The following TTC34 variants were observed in gnomAD, a reference collection of about 807,000 sequenced individuals.
TTC34 encodes the protein tetratricopeptide repeat domain 34, also known as tetratricopeptide repeat protein 34.
TTC34 carries 44 observed loss-of-function variants against 40.7 expected under a neutral mutation model. The observed-to-expected ratio is 1.08, with a 90% CI of 0.85 to 1.39. The LOEUF is 1.39. TTC34 is among the 40% of genes most tolerant of loss of function. The probability of loss-of-function intolerance (pLI) is 0.00; values close to 1 mark genes in which losing one functional copy is unlikely to be tolerated. For synonymous variants in TTC34, 422 were observed against 398.6 expected (o/e 1.06, Z -0.70); for missense variants, 884 against 838.0 (o/e 1.05, Z -0.68).
At chr1:2,683,635 C>G (rs1465623074) in intron 6 of TTC34, among the ~76,000 whole-genome samples, 5 of 149,110 alleles carry the variant, frequency 3.4e-5, no homozygotes, top group African/African-American at 7.7e-5. Context: ...ACCCACACCC[C>G]CAGGTGAGCA....
intron 6 of TTC34, among the ~76,000 whole-genome samples, chr1:2,695,820 G>T (rs1640836649): frequency 6.6e-6 from 1 of 152,122 alleles, no homozygotes; most frequent in Non-Finnish European, 1.5e-5. Flanking sequence ...CTGACAGCCT[G>T]GAACAGCATC....
intron 6 of TTC34, among the ~76,000 whole-genome samples, chr1:2,646,273 C>T (rs1639020236): frequency 1.3e-5 from 2 of 152,200 alleles, no homozygotes; most frequent in South Asian, 4.1e-4. Context: ...GCCACTTTAC[C>T]TAATATGTGA....
At chr1:2,754,767 C>A (rs1641447859) in intron 6 of TTC34, among the ~76,000 whole-genome samples, 3 of 151,218 alleles carry the variant, frequency 2.0e-5, no homozygotes, top group African/African-American at 7.4e-5. Flanking sequence ...TGGTCTGGAG[C>A]AGCACCCACA....
At chr1:2,779,251 A>G (rs1169724713) in intron 6 of TTC34, among the ~76,000 whole-genome samples, 1 of 152,198 alleles carries the variant, frequency 6.6e-6, no homozygotes, top group Non-Finnish European at 1.5e-5. Flanking sequence ...AAATGTCTCT[A>G]AAAGACCCTA....
At chr1:2,682,130 T>G (rs1341840507) in intron 6 of TTC34, among the ~76,000 whole-genome samples, 2 of 140,532 alleles carry the variant, frequency 1.4e-5, no homozygotes, top group Non-Finnish European at 1.6e-5. Flanking sequence ...TCTGACAGCC[T>G]GGAACAGCAC....
chr1:2,750,530 A>C (rs1424748995), intron 6 of TTC34, among the ~76,000 whole-genome samples: 1 of 2,774 alleles, frequency 3.6e-4, no homozygotes, highest in Non-Finnish European at 6.3e-4. Flanking sequence ...CACATCCCCA[A>C]GCGAGCATCC....
rs1227526002 is a variant in TTC34 at position 2,756,064 on chromosome 1, C to A, written c.2226+27545G>T. ...CTGACAACCTGGAACAGCACCCATA[C>A]GCCAAGATGAGCATCTGACAGCGTG... is the stretch of plus-strand genomic sequence containing the variant. On this transcript the variant is annotated intron_variant, in intron 6 of 8. Transcript: ENST00000401095. Among the ~76,000 whole-genome samples the A allele has an allele frequency of 7.7e-5, 6 of 78,314 alleles. 2 individuals are homozygous for A. The highest frequency in any genetic ancestry group is 1.3e-4 in the Non-Finnish European group (6 of 44,952). The allele number at this position is 78,314 out of a possible 152,430, so 51.4% of individuals were successfully genotyped here. A position where few individuals can be genotyped will look rare whatever the true frequency, so the allele number is the denominator to read the frequency against.
At chr1:2,753,896 ACC>A in intron 6 of TTC34, among the ~76,000 whole-genome samples, 1 of 58,014 alleles carries the variant, frequency 1.7e-5, no homozygotes, top group Non-Finnish European at 2.8e-5. Context: ...CAGTGCCCAC[ACC>A]CCCAGGTGAG....
chr1:2,801,598 T>G (rs897340975), exon 1 of TTC34: 1 of 152,394 alleles, frequency 6.6e-6, no homozygotes, highest in Non-Finnish European at 1.5e-5. Flanking sequence ...GCTTGGAGGC[T>G]GAGCCGGCTG....
intron 4 of TTC34, 83 bp downstream of exon 4, chr1:2,787,398 C>T (rs149574203): frequency 1.0e-4 from 130 of 1,299,206 alleles, no homozygotes; most frequent in Admixed American, 9.3e-4. Flanking sequence ...TGGGGTCCAG[C>T]GCCAGGGCCA....
intron 6 of TTC34, among the ~76,000 whole-genome samples, chr1:2,782,632 T>A (rs1643503747): frequency 2.0e-5 from 3 of 152,188 alleles, no homozygotes; most frequent in Admixed American, 6.5e-5. Context: ...GCTATACATT[T>A]CCCCCTCAGG....
intron 6 of TTC34, among the ~76,000 whole-genome samples, chr1:2,687,279 C>T (rs1432223974): frequency 6.9e-6 from 1 of 145,606 alleles, no homozygotes; most frequent in Non-Finnish European, 1.5e-5. Context: ...GGAGCAGCAC[C>T]CACAACCACA....
At chr1:2,782,508 TTCTC>T (rs34425096) in intron 6 of TTC34, among the ~76,000 whole-genome samples, 4 of 151,256 alleles carry the variant, frequency 2.6e-5, no homozygotes, top group Non-Finnish European at 5.9e-5. Context: ...TGTAATCTTT[TTCTC>T]TCTCTCTTTC....
At chr1:2,683,796 C>G (rs7411254) in intron 6 of TTC34, among the ~76,000 whole-genome samples, 1 of 140,576 alleles carries the variant, frequency 7.1e-6, no homozygotes, top group African/African-American at 2.8e-5. Context: ...ACGCACACCC[C>G]CAGTTGAGCA....
chr1:2,700,059 G>C lies in TTC34; in HGVS notation c.2227-54496C>G, dbSNP rs1641059450. ...CCTGGAGCAGCGCCCACACCCAGAGGTGAGCATATGACCACCTGGAGCAGC... is the reference window on the plus strand; with the variant it reads ...CCTGGAGCAGCGCCCACACCCAGAGCTGAGCATATGACCACCTGGAGCAGC... On this transcript the variant is annotated intron_variant, in intron 6 of 8. Transcript: ENST00000401095. 1.6e-5 allele frequency among the ~76,000 whole-genome samples: 2 copies of C among 121,798 alleles called. 1 individual carries two copies. Among genetic ancestry groups the C allele is most frequent in the Admixed American group, 1.7e-4 (2 of 11,564 alleles). The allele number at this position is 121,798 out of a possible 152,430, so 79.9% of individuals were successfully genotyped here.
At chr1:2,660,804 A>C (rs1297278315) in intron 6 of TTC34, among the ~76,000 whole-genome samples, 1 of 128,244 alleles carries the variant, frequency 7.8e-6, no homozygotes, top group Non-Finnish European at 1.6e-5. Flanking sequence ...CCAGGTGAGC[A>C]TCTGACAGCC....
exon 9 of TTC34, chr1:2,641,599 G>C (rs1306542220): frequency 3.9e-6 from 6 of 1,534,012 alleles, no homozygotes; most frequent in African/African-American, 2.7e-5. Flanking sequence ...CCAGCTTCAG[G>C]GCCTGGGCAA....
At chr1:2,658,478 CTGACAGCCT>C (rs1639432241) in intron 6 of TTC34, among the ~76,000 whole-genome samples, 1 of 68,286 alleles carries the variant, frequency 1.5e-5, no homozygotes, top group Admixed American at 1.4e-4. Context: ...AGGTGAGCAA[CTGACAGCCT>C]GGAGCAGCAC....
rs1314648897 is a variant in TTC34 at position 2,692,250 on chromosome 1, G to A, written c.2227-46687C>T. On this transcript the variant is annotated intron_variant, in intron 6 of 8. Coordinates refer to ENST00000401095, the Ensembl canonical transcript of TTC34. ...CCCCAGGCGAGCATCCGACAGCCTG[G>A]AGCAGCACCCACACCCTCAGGTGAG... 4.0e-5 allele frequency among the ~76,000 whole-genome samples: 3 copies of A among 74,192 alleles called. 1 individual carries two copies. The highest frequency in any genetic ancestry group is 1.3e-4 in the African/African-American group (3 of 22,662). The allele number at this position is 74,192 out of a possible 152,430, so 48.7% of individuals were successfully genotyped here.
Sources: allele counts gnomAD v4.1 joint callset (sites outside exome capture counted in the v4.1 genomes callset), GRCh38; gene constraint gnomAD v4.1.1; transcripts MANE v1.5; gene names NCBI Gene and HGNC (gene_info 2026-07-23, HGNC 2026-07-21).